The following THAP4 variants were observed in gnomAD, a reference collection of about 807,000 sequenced individuals.
THAP4 encodes THAP domain containing 4.
Under a neutral mutation model 48.1 loss-of-function variants are expected in THAP4, and 18 were observed. The observed-to-expected ratio is 0.37, with a 90% CI of 0.26 to 0.56. The LOEUF is 0.56. Among genes scored for constraint, THAP4 ranks in the 20% least tolerant of loss-of-function variants. THAP4 has a pLI of 0.78. For synonymous variants in THAP4, 345 were observed against 324.9 expected (o/e 1.06, Z -0.66); for missense variants, 656 against 774.9 (o/e 0.85, Z 1.82).
At chr2:241,637,296 G>C, upstream of THAP4, 2 of 1,152,732 alleles carry the variant, frequency 1.7e-6, no homozygotes, top group Non-Finnish European at 2.2e-6. Flanking sequence ...CGGGCAGACG[G>C]GCGGGGGAGT....
At chr2:241,584,838 G>A in intron 5 of THAP4, 113 bp from the exon 6 acceptor site, 1 of 1,387,200 alleles carries the variant, frequency 7.2e-7, no homozygotes, top group Non-Finnish European at 1.0e-6. Context: ...GCCAGGCAGT[G>A]GCCCTGCCAG....
intron 2 of THAP4, among the ~76,000 whole-genome samples, chr2:241,625,143 T>A (rs766125084): frequency 6.6e-6 from 1 of 152,108 alleles, no homozygotes; most frequent in Admixed American, 6.6e-5. Flanking sequence ...TCATTCTGTG[T>A]GTCCAGCAGG....
At chr2:241,614,575 G>A (rs1316079107) in intron 2 of THAP4, among the ~76,000 whole-genome samples, 1 of 152,116 alleles carries the variant, frequency 6.6e-6, no homozygotes, top group Non-Finnish European at 1.5e-5. Context: ...GATACATATT[G>A]AACTCTGTAG....
At chr2:241,617,641 C>T in intron 2 of THAP4, 1 of 599,480 alleles carries the variant, frequency 1.7e-6, no homozygotes, top group Non-Finnish European at 2.8e-6. Flanking sequence ...CTGGAAGGAG[C>T]TTTGGAGGTT....
At chr2:241,589,212 C>CAAAAAAAAAAAAAAAAAAA (rs765239066) in intron 5 of THAP4, among the ~76,000 whole-genome samples, 1 of 110,860 alleles carries the variant, frequency 9.0e-6, no homozygotes, top group Non-Finnish European at 1.8e-5. Flanking sequence ...AACAATGTCT[C>CAAAAAAAAAAAAAAAAAAA]AAAAAAAAAA....
At chr2:241,592,982 C>T (rs1227434478) in intron 5 of THAP4, among the ~76,000 whole-genome samples, 2 of 152,224 alleles carry the variant, frequency 1.3e-5, no homozygotes, top group Non-Finnish European at 1.5e-5. Flanking sequence ...GTGGCTCACA[C>T]CTATAACCAC....
chr2:241,612,242 G>A lies in THAP4; in HGVS notation c.1241-5769C>T, dbSNP rs796939816. Among the ~76,000 whole-genome samples the A allele has an allele frequency of 3.9e-5, 6 of 152,220 alleles. No homozygotes were observed. The highest frequency in any genetic ancestry group is 1.4e-4 in the African/African-American group (6 of 41,520). On this transcript the variant is annotated intron_variant, in intron 2 of 5. Transcript: ENST00000407315. The surrounding 1 kb of genome is among the most constrained non-coding windows in gnomAD (Gnocchi z 4.1). ...ACCGGGAAACACAGCGGAACACAGA[G>A]GACAGAAATGAGTTAAAAAAAAAGA...
intron 2 of THAP4, among the ~76,000 whole-genome samples, chr2:241,622,380 C>G (rs2125092592): frequency 6.6e-6 from 1 of 152,036 alleles, no homozygotes; most frequent in Admixed American, 6.5e-5. Context: ...CAAAACAAAA[C>G]AAAAAACAAA....
intron 2 of THAP4, among the ~76,000 whole-genome samples, chr2:241,628,532 A>G (rs2067520281): frequency 6.6e-6 from 1 of 151,734 alleles, no homozygotes; most frequent in Admixed American, 6.6e-5. Flanking sequence ...TTTGCCTCTC[A>G]ACCCCCTGAA....
intron 2 of THAP4, among the ~76,000 whole-genome samples, chr2:241,619,714 G>A (rs1426615587): frequency 6.8e-6 from 1 of 146,564 alleles, no homozygotes; most frequent in Non-Finnish European, 1.5e-5. Flanking sequence ...GGTGAGTGAA[G>A]GGTGAGTGAG....
chr2:241,608,892 C>T (rs901587975), intron 2 of THAP4, among the ~76,000 whole-genome samples: 3 of 152,328 alleles, frequency 2.0e-5, no homozygotes, highest in East Asian at 1.9e-4. Flanking sequence ...CCTGCAGCTA[C>T]CCTGGAGAAG....
intron 5 of THAP4, among the ~76,000 whole-genome samples, chr2:241,600,700 C>T (rs2067101494): frequency 2.1e-5 from 3 of 142,912 alleles, no homozygotes; most frequent in Non-Finnish European, 4.5e-5. Context: ...TGCACTCCAG[C>T]CTGGGTGACA....
At chr2:241,629,334 G>A (rs986230689) in intron 2 of THAP4, among the ~76,000 whole-genome samples, 2 of 151,970 alleles carry the variant, frequency 1.3e-5, no homozygotes, top group Non-Finnish European at 2.9e-5. Flanking sequence ...AGCCGGATGT[G>A]GTGGTATGTG....
At chr2:241,605,379 G>A (rs1245351762) in intron 3 of THAP4, among the ~76,000 whole-genome samples, 3 of 152,176 alleles carry the variant, frequency 2.0e-5, no homozygotes, top group Admixed American at 1.3e-4. Flanking sequence ...GAGACTAAGG[G>A]AGGGTTTGCT....
intron 2 of THAP4, among the ~76,000 whole-genome samples, chr2:241,609,324 G>A (rs752122085): frequency 2.0e-5 from 3 of 152,238 alleles, no homozygotes; most frequent in African/African-American, 7.2e-5. Flanking sequence ...TGGAGAAAAG[G>A]AAGAATGAGA....
chr2:241,607,916 A>T (rs1311345851), intron 2 of THAP4, among the ~76,000 whole-genome samples: 2 of 122,170 alleles, frequency 1.6e-5, no homozygotes, highest in South Asian at 3.0e-4. Context: ...CGGGGACAGG[A>T]TCAGGACTGA....
At position 241,587,582 on chromosome 2, in the gene THAP4, G is replaced by A. The variant is rs144527167; in HGVS notation, c.1615-2857C>T. Among the ~76,000 whole-genome samples the A allele has an allele frequency of 5.9e-5, 9 of 152,324 alleles. No individual in the cohort carries two copies. The East Asian group carries it at 9.6e-4, about 16-fold the overall frequency. On this transcript the variant is annotated intron_variant, in intron 5 of 5. Transcript: ENST00000407315. ...ATGAAGTTAGGCCATATACTGGGGC[G>A]TAAAATAAGTCTCCAACATTTTTTA...
intron 2 of THAP4, among the ~76,000 whole-genome samples, chr2:241,607,736 C>T (rs1471868159): frequency 2.2e-5 from 3 of 135,006 alleles, no homozygotes; most frequent in Non-Finnish European, 4.8e-5. Context: ...GACTGACCCC[C>T]AGTGTCTCCT....
intron 2 of THAP4, among the ~76,000 whole-genome samples, chr2:241,627,952 C>T (rs537091710): frequency 7.0e-4 from 106 of 152,246 alleles, no homozygotes; most frequent in African/African-American, 2.3e-3. Context: ...TTTGGAGCCA[C>T]ACTCCCTCTG....
Sources: gnomAD v4.1 joint callset for allele counts (sites outside exome capture counted in the v4.1 genomes callset) on GRCh38, gnomAD v4.1.1 for gene constraint, Gnocchi (gnomAD v3.1) non-coding constraint, MANE v1.5 for transcripts, NCBI Gene and HGNC (gene_info 2026-07-23, HGNC 2026-07-21) for gene names.